SREK1IP1: variants seen among roughly 807,000 people sequenced by gnomAD.
The protein encoded by SREK1IP1 is SREK1 interacting protein 1.
In SREK1IP1, 12 loss-of-function variants were observed where a neutral mutation model predicts 22.8. That is an observed-to-expected ratio of 0.53 (90% CI 0.34 to 0.85). The LOEUF (loss-of-function observed/expected upper bound fraction) is 0.85. SREK1IP1 is among the 40% of genes least tolerant of loss of function. SREK1IP1 has a pLI of 0.02. For synonymous variants in SREK1IP1, 53 were observed against 52.7 expected, an observed-to-expected ratio of 1.01 and a Z score of -0.02; for missense variants, 147 against 171.8, an observed-to-expected ratio of 0.86 and a Z score of 0.81.
chr5:64,726,498 C>A (rs1244829544), intron 4 of SREK1IP1, among the ~76,000 whole-genome samples: 4 of 151,298 alleles, frequency 2.6e-5, no homozygotes, highest in African/African-American at 9.7e-5. Flanking sequence ...ATGGAGTGAA[C>A]CCGGGAGGCG....
chr5:64,741,302 CAAT>C (rs1304140865), intron 2 of SREK1IP1, 102 bp from the exon 3 acceptor site: 4 of 1,086,170 alleles, frequency 3.7e-6, no homozygotes, highest in Non-Finnish European at 5.3e-6. Flanking sequence ...GTTACAATTT[CAAT>C]AATATAATGT....
At chr5:64,759,293 G>A (rs750881100) in intron 1 of SREK1IP1, among the ~76,000 whole-genome samples, 1 of 152,094 alleles carries the variant, frequency 6.6e-6, no homozygotes, top group African/African-American at 2.4e-5. Context: ...CTGATATAAC[G>A]GTACTCAAAA....
chr5:64,762,109 T>C (rs1263223534), intron 1 of SREK1IP1, among the ~76,000 whole-genome samples: 1 of 152,178 alleles, frequency 6.6e-6, no homozygotes, highest in Non-Finnish European at 1.5e-5. Flanking sequence ...ACTTAGTCAC[T>C]GGGAATTTTA....
intron 4 of SREK1IP1, chr5:64,727,553 A>ATATATATATATATTTTT: frequency 1.2e-5 from 1 of 84,708 alleles, no homozygotes; most frequent in African/African-American, 5.5e-5. Context: ...ATATATATAT[A>ATATATATATATATTTTT]TTTTTTTTTT....
In SREK1IP1 at chr5:64,722,830, A is replaced by C. The variant is rs1742194515; in HGVS notation, c.*1554T>G. 6.6e-6 allele frequency: 1 copy of C among 152,240 alleles called. No individual in the cohort carries two copies. Among genetic ancestry groups the C allele is most frequent in the Non-Finnish European group, 1.5e-5 (1 of 68,042 alleles). 9.4% of individuals were successfully genotyped at this position (152,240 alleles called of 1,614,324 possible). A position where few individuals can be genotyped will look rare whatever the true frequency, so the allele number is the denominator to read the frequency against. ...CCCTAGAATTTAAGCATGGGTAAGC[A>C]TATGTTAAGAGGAGTTATAAGGCTC... On this transcript the variant is annotated 3_prime_UTR_variant, in exon 5 of 5. Transcript: ENST00000513458.
At chr5:64,756,103 T>G (rs1205730606) in intron 1 of SREK1IP1, among the ~76,000 whole-genome samples, 1 of 152,146 alleles carries the variant, frequency 6.6e-6, no homozygotes, top group African/African-American at 2.4e-5. Flanking sequence ...ATGCAGGCAA[T>G]GCTAAAGATA....
At chr5:64,746,470 T>G (rs1742638782) in intron 2 of SREK1IP1, among the ~76,000 whole-genome samples, 1 of 152,072 alleles carries the variant, frequency 6.6e-6, no homozygotes, top group Non-Finnish European at 1.5e-5. Flanking sequence ...CCAGAATACA[T>G]AAAGAACAAC....
In SREK1IP1 at chr5:64,724,417, A is replaced by G. The variant is rs766563820; in HGVS notation, c.435T>C (p.Ser145=). 5 of 1,580,850 alleles carry G rather than the reference A, an allele frequency of 3.2e-6. No individual in the cohort carries two copies. The East Asian group carries it at 1.1e-4, about 35-fold the overall frequency. The change falls in exon 5 of 5, where the codon TCT becomes TCC. Residue 145 remains serine, a synonymous_variant. Transcript: ENST00000513458. ...TGGAGAATTCAGAACTATTAGGTGT[A>G]GAAGAATGCTTTTCCTTTTTTCTCT... is the stretch of plus-strand genomic sequence containing the variant. ...KKKRKKEKHS[S]TPNSSEFSRK is the part of the protein sequence containing the mutation.
At chr5:64,725,947 C>T (rs1459799985) in intron 4 of SREK1IP1, among the ~76,000 whole-genome samples, 1 of 150,450 alleles carries the variant, frequency 6.6e-6, no homozygotes, top group Non-Finnish European at 1.5e-5. Context: ...TCACTGCAAC[C>T]TCCGCTCCCC....
intron 1 of SREK1IP1, among the ~76,000 whole-genome samples, chr5:64,763,649 T>C (rs968412413): frequency 2.0e-5 from 3 of 152,262 alleles, no homozygotes; most frequent in African/African-American, 4.8e-5. Flanking sequence ...TAGCTTAATC[T>C]GTTTAGTACT....
At chr5:64,751,791 A>G (rs1397275773) in intron 2 of SREK1IP1, among the ~76,000 whole-genome samples, 1 of 152,248 alleles carries the variant, frequency 6.6e-6, no homozygotes, top group Non-Finnish European at 1.5e-5. Context: ...CAAACTATAA[A>G]AAATAGAAAA....
intron 2 of SREK1IP1, 71 bp downstream of exon 2, chr5:64,754,244 A>T: frequency 6.8e-7 from 1 of 1,471,238 alleles, no homozygotes; most frequent in Non-Finnish European, 9.5e-7. Context: ...AGGGTGCTAC[A>T]TTATATTGCC....
At chr5:64,763,380 A>G (rs1170802109) in intron 1 of SREK1IP1, among the ~76,000 whole-genome samples, 1 of 152,044 alleles carries the variant, frequency 6.6e-6, no homozygotes, top group African/African-American at 2.4e-5. Context: ...TACTAAAAAT[A>G]CAAAAAATTA....
intron 3 of SREK1IP1, among the ~76,000 whole-genome samples, chr5:64,729,809 T>G (rs1423129768): frequency 1.3e-5 from 2 of 152,080 alleles, no homozygotes; most frequent in Non-Finnish European, 2.9e-5. Flanking sequence ...GGGAAGTGGG[T>G]AGGAGCCTGA....
At chr5:64,752,142 G>T (rs1422307482) in intron 2 of SREK1IP1, among the ~76,000 whole-genome samples, 155 of 100,972 alleles carry the variant, frequency 1.5e-3, no homozygotes, top group African/African-American at 6.4e-3. Flanking sequence ...AATTTTTTTT[G>T]TGTGTTTTTT....
chr5:64,740,130 C>T (rs751153258), intron 3 of SREK1IP1, among the ~76,000 whole-genome samples: 13 of 151,860 alleles, frequency 8.6e-5, no homozygotes, highest in Non-Finnish European at 7.4e-5. Flanking sequence ...TTATACACAA[C>T]GTGGGAAAGA....
In SREK1IP1 at chr5:64,735,824, T is replaced by C. The variant is rs1229861085; in HGVS notation, c.205+5233A>G. Among the ~76,000 whole-genome samples, 6 of 152,096 alleles carry C rather than the reference T, an allele frequency of 3.9e-5. No homozygotes were observed. The East Asian group carries it at 1.2e-3, about 29-fold the overall frequency. ...CTTCTCAAATAACCAGTTTTTGGTT[T>C]TATTGATTTTCTATAGTTTTGTTTT... On this transcript the variant is annotated intron_variant, in intron 3 of 4. Coordinates refer to ENST00000513458, the MANE Select transcript of SREK1IP1 (RefSeq NM_173829.4).
intron 3 of SREK1IP1, among the ~76,000 whole-genome samples, chr5:64,732,451 AAATT>A (rs1417314088): frequency 6.6e-6 from 1 of 152,220 alleles, no homozygotes; most frequent in Non-Finnish European, 1.5e-5. Context: ...GCAGAGAACA[AAATT>A]AAAGATACAG....
rs1458869080 is a variant in SREK1IP1, at chr5:64,723,377, A to C, written c.*1007T>G. 1 of 152,224 alleles carries C rather than the reference A, an allele frequency of 6.6e-6. No individual in the cohort carries two copies. The highest frequency in any genetic ancestry group is 1.5e-5 in the Non-Finnish European group (1 of 68,028). The allele number at this position is 152,224 out of a possible 1,614,324, so 9.4% of individuals were successfully genotyped here. A position where few individuals can be genotyped will look rare whatever the true frequency, so the allele number is the denominator to read the frequency against. On this transcript the variant is annotated 3_prime_UTR_variant, in exon 5 of 5. Coordinates refer to ENST00000513458, the MANE Select transcript of SREK1IP1 (RefSeq NM_173829.4). Reference sequence around the variant, plus strand: ...CAAACTGGTCATTTATGAAAACGTTAAGTTCAGTGTGAAACTTGCTTTAAA... The same window carrying C: ...CAAACTGGTCATTTATGAAAACGTTCAGTTCAGTGTGAAACTTGCTTTAAA...
Sources: allele counts gnomAD v4.1 joint callset (sites outside exome capture counted in the v4.1 genomes callset), GRCh38; gene constraint gnomAD v4.1.1; transcripts MANE v1.5; gene names NCBI Gene and HGNC (gene_info 2026-07-23, HGNC 2026-07-21).